Variants in OPCML observed in about 807,000 individuals in gnomAD.
The protein encoded by OPCML is opioid-binding protein/cell adhesion molecule.
Under a neutral mutation model 37.8 loss-of-function variants are expected in OPCML, and 13 were observed. The observed-to-expected ratio is 0.34, with a 90% CI of 0.22 to 0.55. OPCML has a LOEUF of 0.55. Among genes scored for constraint, OPCML ranks in the 20% least tolerant of loss-of-function variants. The pLI, the probability that OPCML is intolerant of heterozygous loss-of-function variation, is 0.91. For synonymous variants in OPCML, 176 were observed against 168.8 expected, an observed-to-expected ratio of 1.04 and a Z score of -0.33; for missense variants, 341 against 435.6, an observed-to-expected ratio of 0.78 and a Z score of 1.93.
chr11:132,436,095 T>A lies in OPCML; in HGVS notation c.907A>T (p.Thr303Ser). 6.2e-7 allele frequency: 1 copy of A among 1,613,976 alleles called. No homozygotes were observed. Among genetic ancestry groups the A allele is most frequent in the Non-Finnish European group, 8.5e-7 (1 of 1,179,920 alleles). The stretch of plus-strand genomic sequence containing the variant: ...GGCTTCCAGCACTCACCATACAATG[T>A]GATGCTGGCATTGGTGTTCCCAAGC... ...NKLGNTNASI[T>S]LYGPGAVIDG... is the part of the protein sequence containing the mutation. Residue 303 changes from threonine to serine, a missense_variant, in exon 7 of 8, where the codon ACA becomes TCA. Transcript: ENST00000524381.
At chr11:132,449,913 C>T (rs745711981) in intron 4 of OPCML, among the ~76,000 whole-genome samples, 1 of 152,170 alleles carries the variant, frequency 6.6e-6, no homozygotes, top group Admixed American at 6.5e-5. Context: ...GTGCACTCTC[C>T]CCCAATCCTT....
At chr11:132,429,317 C>T (rs1455905348) in intron 7 of OPCML, among the ~76,000 whole-genome samples, 1 of 152,176 alleles carries the variant, frequency 6.6e-6, no homozygotes, top group Non-Finnish European at 1.5e-5. Context: ...GGCAAACCGA[C>T]AGGAGTTGGA....
intron 2 of OPCML, among the ~76,000 whole-genome samples, chr11:132,750,735 T>G (rs977226096): frequency 6.6e-6 from 1 of 151,844 alleles, no homozygotes; most frequent in Non-Finnish European, 1.5e-5. Flanking sequence ...GAAACAAAAA[T>G]CCTGACCTAC....
At chr11:132,501,052 TC>T (rs1365267597) in intron 4 of OPCML, among the ~76,000 whole-genome samples, 3 of 151,966 alleles carry the variant, frequency 2.0e-5, no homozygotes, top group Non-Finnish European at 4.4e-5. Context: ...TGATTTATAA[TC>T]CTTTGGGTAT....
intron 2 of OPCML, among the ~76,000 whole-genome samples, chr11:132,751,794 G>C (rs1337120823): frequency 6.6e-6 from 1 of 152,174 alleles, no homozygotes; most frequent in Non-Finnish European, 1.5e-5. Context: ...CTGAACTGCT[G>C]TTTATTCAGG....
intron 1 of OPCML, among the ~76,000 whole-genome samples, chr11:133,448,437 C>A (rs1056219714): frequency 4.6e-5 from 7 of 151,964 alleles, no homozygotes; most frequent in African/African-American, 1.7e-4. Flanking sequence ...TTTATTTATT[C>A]CTGTAGAAAT....
chr11:133,006,819 C>A, intron 1 of OPCML: 2 of 985,426 alleles, frequency 2.0e-6, no homozygotes, highest in Non-Finnish European at 1.2e-6. Flanking sequence ...GGAGCAGTGA[C>A]ACCAGGGTAA....
intron 7 of OPCML, among the ~76,000 whole-genome samples, chr11:132,434,029 G>A (rs765330505): frequency 6.6e-6 from 1 of 152,226 alleles, no homozygotes; most frequent in Non-Finnish European, 1.5e-5. Flanking sequence ...GAAGGGCAGA[G>A]AGAGACAAGA....
intron 3 of OPCML, among the ~76,000 whole-genome samples, chr11:132,638,186 T>TATATATATATATAGAG (rs71067383): frequency 2.3e-5 from 3 of 131,080 alleles, no homozygotes; most frequent in South Asian, 2.6e-4. Context: ...TATATATATA[T>TATATATATATATAGAG]ACAGAGAGAG....
chr11:132,743,493 T>C (rs1945506990), intron 2 of OPCML, among the ~76,000 whole-genome samples: 1 of 152,140 alleles, frequency 6.6e-6, no homozygotes, highest in South Asian at 2.1e-4. Flanking sequence ...TGCCTGAAAA[T>C]ATTTTTAGAA....
intron 2 of OPCML, among the ~76,000 whole-genome samples, chr11:132,676,572 C>CACTT (rs1293568676): frequency 6.6e-6 from 1 of 151,388 alleles, no homozygotes; most frequent in African/African-American, 2.4e-5. Flanking sequence ...TATAACTTAA[C>CACTT]ACTTACAACT....
chr11:132,441,058 T>C (rs2096030937), intron 4 of OPCML, among the ~76,000 whole-genome samples: 1 of 149,022 alleles, frequency 6.7e-6, no homozygotes, highest in African/African-American at 2.5e-5. Context: ...CAGGATAGGA[T>C]AGGAAGGAGA....
At chr11:132,840,841 G>GA (rs901136742) in intron 2 of OPCML, among the ~76,000 whole-genome samples, 1 of 152,052 alleles carries the variant, frequency 6.6e-6, no homozygotes, top group South Asian at 2.1e-4. Flanking sequence ...TGAGGCCGCT[G>GA]AAAAAAACCC....
chr11:133,106,499 TA>T (rs1223335728), intron 1 of OPCML, among the ~76,000 whole-genome samples: 1 of 152,232 alleles, frequency 6.6e-6, no homozygotes, highest in Non-Finnish European at 1.5e-5. Context: ...CCTTGTTTTC[TA>T]AAGAAATAAC....
intron 1 of OPCML, among the ~76,000 whole-genome samples, chr11:133,140,745 C>CGAG (rs1949772036): frequency 1.2e-5 from 1 of 80,278 alleles, no homozygotes; most frequent in African/African-American, 3.8e-5. Context: ...ACGACGACGA[C>CGAG]GAGGAAGAAG....
At chr11:132,475,303 C>T (rs141421626) in intron 4 of OPCML, among the ~76,000 whole-genome samples, 47 of 152,248 alleles carry the variant, frequency 3.1e-4, no homozygotes, top group African/African-American at 1.1e-3. Flanking sequence ...AGGAGTTATT[C>T]GGAGCGATTT....
intron 1 of OPCML, among the ~76,000 whole-genome samples, chr11:133,458,279 CAT>C (rs1376189667): frequency 2.4e-5 from 1 of 40,876 alleles, no homozygotes; most frequent in Non-Finnish European, 3.8e-5. Flanking sequence ...TATATACACA[CAT>C]ATATACACGT....
Position 133,271,980 on chromosome 11 carries a change from TG to T in OPCML, c.61+260283del, listed in dbSNP as rs1212912334. Among the ~76,000 whole-genome samples the T allele has an allele frequency of 4.6e-5, 7 of 152,298 alleles. No homozygotes were observed. In the East Asian group the frequency reaches 1.4e-3, roughly 29 times the overall value. On this transcript the variant is annotated intron_variant, in intron 1 of 7. Transcript: ENST00000524381. ...ACTAATTAAAATGATGCAACATAGT[TG>T]GGGTGGACACCCACTCACTGCCCTT... is the stretch of plus-strand genomic sequence containing the variant.
At chr11:132,789,710 C>G (rs1937765179) in intron 2 of OPCML, among the ~76,000 whole-genome samples, 1 of 152,104 alleles carries the variant, frequency 6.6e-6, no homozygotes, top group African/African-American at 2.4e-5. Flanking sequence ...AGGAGTGAGT[C>G]TGAAATAACA....
Sources: allele counts gnomAD v4.1 joint callset (sites outside exome capture counted in the v4.1 genomes callset), GRCh38; gene constraint gnomAD v4.1.1; transcripts MANE v1.5; gene names NCBI Gene and HGNC (gene_info 2026-07-23, HGNC 2026-07-21).